GRIK2: variants seen among roughly 807,000 people sequenced by gnomAD.
GRIK2 encodes the protein glutamate receptor ionotropic, kainate 2.
In GRIK2, 32 loss-of-function variants were observed where a neutral mutation model predicts 100.3. The observed-to-expected ratio is 0.32, with a 90% CI of 0.24 to 0.43. The LOEUF (loss-of-function observed/expected upper bound fraction) is 0.43. Ranked by LOEUF, GRIK2 falls within the 20% of genes least tolerant of loss-of-function variation. The pLI, the probability that GRIK2 is intolerant of heterozygous loss-of-function variation, is 1.00. For missense variants in GRIK2, 843 were observed against 1,114.9 expected, an observed-to-expected ratio of 0.76 and a Z score of 3.47; for synonymous variants, 417 against 389.4, an observed-to-expected ratio of 1.07 and a Z score of -0.83.
chr6:101,571,862 A>G (rs1223591682), intron 2 of GRIK2, among the ~76,000 whole-genome samples: 1 of 152,172 alleles, frequency 6.6e-6, no homozygotes. Flanking sequence ...ATCTATACAT[A>G]ACCATGCAGA....
intron 2 of GRIK2, among the ~76,000 whole-genome samples, chr6:101,570,887 C>T (rs564653706): frequency 6.6e-6 from 1 of 152,158 alleles, no homozygotes; most frequent in Non-Finnish European, 1.5e-5. Context: ...TTAACTTTTC[C>T]GTGAAAATGA....
At chr6:101,566,360 G>A (rs9322599) in intron 2 of GRIK2, among the ~76,000 whole-genome samples, 13,253 of 151,968 alleles carry the variant, frequency 0.087, 1,543 homozygotes, top group African/African-American at 0.27. Flanking sequence ...TACTTTCTGA[G>A]GGAATACTAT....
At position 101,799,760 on chromosome 6, in the gene GRIK2, T is replaced by C; in HGVS notation, c.1064T>C (p.Phe355Ser). 7.4e-6 allele frequency: 12 copies of C among 1,613,616 alleles called. No homozygotes were observed. Among genetic ancestry groups the C allele is most frequent in the Non-Finnish European group, 1.0e-5 (12 of 1,179,660 alleles). ...LQCNRHKPWR[F>S]GTRFMSLIKE... is the part of the protein sequence containing the mutation. The stretch of plus-strand genomic sequence containing the variant: ...TGTAATCGACATAAACCCTGGCGCT[T>C]CGGGACCCGCTTTATGAGTCTAATT... Residue 355 changes from phenylalanine (F) to serine (S), a missense_variant, in exon 8 of 17, where the codon TTC (phenylalanine) becomes TCC (serine). This residue lies in a region of GRIK2 where 519 missense variants were observed against 643.8 expected (regional missense o/e 0.81). Transcript: ENST00000369134.
intron 2 of GRIK2, among the ~76,000 whole-genome samples, chr6:101,411,150 G>A (rs1775868170): frequency 6.6e-6 from 1 of 151,976 alleles, no homozygotes; most frequent in African/African-American, 2.4e-5. Flanking sequence ...GGAGATTAGG[G>A]GTGATCTTCC....
chr6:101,924,202 T>C (rs1482563564), intron 12 of GRIK2, among the ~76,000 whole-genome samples: 4 of 152,156 alleles, frequency 2.6e-5, no homozygotes, highest in Non-Finnish European at 4.4e-5. Flanking sequence ...TTTATATTTT[T>C]TTCTGTCTTT....
At chr6:102,043,241 TA>T (rs2114460898) in intron 15 of GRIK2, among the ~76,000 whole-genome samples, 1 of 150,632 alleles carries the variant, frequency 6.6e-6, no homozygotes, top group South Asian at 2.1e-4. Flanking sequence ...AAGGAATGAT[TA>T]AACTAATTAG....
At chr6:101,637,752 G>T (rs1340418399) in intron 4 of GRIK2, among the ~76,000 whole-genome samples, 1 of 152,060 alleles carries the variant, frequency 6.6e-6, no homozygotes, top group African/African-American at 2.4e-5. Flanking sequence ...ACACTCTCAT[G>T]CCTCTCTGAT....
chr6:101,700,033 C>T (rs1378735016), intron 7 of GRIK2, among the ~76,000 whole-genome samples: 1 of 151,880 alleles, frequency 6.6e-6, no homozygotes, highest in Non-Finnish European at 1.5e-5. Flanking sequence ...GCATGTAGTC[C>T]CAGCTCTTTG....
chr6:101,887,186 T>A (rs1562465017), intron 11 of GRIK2, among the ~76,000 whole-genome samples: 1 of 152,080 alleles, frequency 6.6e-6, no homozygotes, highest in East Asian at 1.9e-4. Context: ...AGAGAGTGGA[T>A]GTAGTATTTT....
intron 7 of GRIK2, among the ~76,000 whole-genome samples, chr6:101,790,965 T>C (rs1779807846): frequency 1.3e-5 from 2 of 152,188 alleles, no homozygotes; most frequent in Admixed American, 6.5e-5. Context: ...AATTTATCCA[T>C]TTCTTCTAGA....
At chr6:102,003,224 T>C (rs1465554722) in intron 14 of GRIK2, among the ~76,000 whole-genome samples, 2 of 151,740 alleles carry the variant, frequency 1.3e-5, no homozygotes, top group East Asian at 1.9e-4. Context: ...CCATTTATCC[T>C]ATGTTTATTC....
intron 7 of GRIK2, 96 bp from the exon 8 acceptor site, chr6:101,799,552 T>C: frequency 1.1e-6 from 1 of 882,056 alleles, no homozygotes; most frequent in Non-Finnish European, 1.9e-6. Context: ...GGGATATATA[T>C]TTCCCTTACC....
chr6:101,578,748 T>C (rs1002546338), intron 2 of GRIK2, among the ~76,000 whole-genome samples: 4 of 152,158 alleles, frequency 2.6e-5, no homozygotes, highest in African/African-American at 9.7e-5. Flanking sequence ...AAGAACTATT[T>C]GATGAAGGCT....
At chr6:101,621,926 A>AT in intron 2 of GRIK2, 23 bp from the exon 3 acceptor site, 2 of 1,542,514 alleles carry the variant, frequency 1.3e-6, no homozygotes, top group East Asian at 2.3e-5. Flanking sequence ...AAAATTTATG[A>AT]TTTTTCTCTT....
intron 2 of GRIK2, among the ~76,000 whole-genome samples, chr6:101,514,095 A>G (rs1389676749): frequency 1.3e-5 from 2 of 152,178 alleles, no homozygotes; most frequent in Admixed American, 1.3e-4. Context: ...AGAGATTACA[A>G]GATAACCAAA....
chr6:101,709,566 A>G (rs1320774790), intron 7 of GRIK2, among the ~76,000 whole-genome samples: 1 of 151,878 alleles, frequency 6.6e-6, no homozygotes, highest in Non-Finnish European at 1.5e-5. Flanking sequence ...TTGTCTATTT[A>G]CCAACATACT....
At chr6:101,894,610 G>A (rs1355433996) in intron 12 of GRIK2, among the ~76,000 whole-genome samples, 4 of 151,562 alleles carry the variant, frequency 2.6e-5, no homozygotes, top group Non-Finnish European at 4.4e-5. Flanking sequence ...TGATTATAGA[G>A]ATGGCAGTTA....
At chr6:101,804,487 A>C (rs1456305101) in intron 9 of GRIK2, among the ~76,000 whole-genome samples, 1 of 152,020 alleles carries the variant, frequency 6.6e-6, no homozygotes, top group African/African-American at 2.4e-5. Context: ...GGAGATGAGT[A>C]AACAGTTTGT....
At chr6:101,524,866 G>A (rs1056723854) in intron 2 of GRIK2, among the ~76,000 whole-genome samples, 1 of 151,870 alleles carries the variant, frequency 6.6e-6, no homozygotes, top group Non-Finnish European at 1.5e-5. Flanking sequence ...CGAGTAGCTG[G>A]GATTACAGGC....
Sources: gnomAD v4.1 joint callset for allele counts (sites outside exome capture counted in the v4.1 genomes callset) on GRCh38, gnomAD v4.1.1 for gene constraint, gnomAD v4.1.1 regional missense constraint, MANE v1.5 for transcripts, NCBI Gene and HGNC (gene_info 2026-07-23, HGNC 2026-07-21) for gene names.